Variants in SCMH1 observed in about 807,000 individuals in gnomAD.
SCMH1 encodes the protein Scm polycomb group protein homolog 1, also known as polycomb protein SCMH1.
Under a neutral mutation model 70.8 loss-of-function variants are expected in SCMH1, and 37 were observed. The ratio of observed to expected loss-of-function variants is 0.52; its 90% CI spans 0.40 to 0.69. SCMH1 has a LOEUF of 0.69. SCMH1 is among the 30% of genes least tolerant of loss of function. The pLI, the probability that SCMH1 is intolerant of heterozygous loss-of-function variation, is 0.00. For missense variants in SCMH1, 607 were observed against 827.3 expected, an observed-to-expected ratio of 0.73 and a Z score of 3.27; for synonymous variants, 292 against 307.4, an observed-to-expected ratio of 0.95 and a Z score of 0.52.
intron 8 of SCMH1, among the ~76,000 whole-genome samples, chr1:41,079,395 G>A (rs1659310133): frequency 1.3e-5 from 2 of 152,006 alleles, no homozygotes; most frequent in South Asian, 4.1e-4. Context: ...AGAGGGCCCT[G>A]AGATACAAAG....
intron 8 of SCMH1, among the ~76,000 whole-genome samples, chr1:41,091,962 G>T (rs527473698): frequency 4.6e-5 from 7 of 152,258 alleles, no homozygotes; most frequent in Non-Finnish European, 7.3e-5. Flanking sequence ...GTACTTTACA[G>T]ATTCAATGCC....
intron 6 of SCMH1, among the ~76,000 whole-genome samples, chr1:41,136,382 CTTTT>C (rs757034374): frequency 8.2e-6 from 1 of 122,012 alleles, no homozygotes; most frequent in Non-Finnish European, 1.9e-5. Flanking sequence ...TTCTTTCTTT[CTTTT>C]TTTTTTTTTT....
At chr1:41,141,559 G>A (rs778170187) in intron 6 of SCMH1, among the ~76,000 whole-genome samples, 2 of 152,166 alleles carry the variant, frequency 1.3e-5, no homozygotes, top group Non-Finnish European at 2.9e-5. Context: ...ACCAGAATCT[G>A]ATCAAGTCTC....
At chr1:41,201,655 C>T (rs1057394478) in intron 1 of SCMH1, among the ~76,000 whole-genome samples, 1 of 152,168 alleles carries the variant, frequency 6.6e-6, no homozygotes, top group Non-Finnish European at 1.5e-5. Flanking sequence ...CAAGGGGCTT[C>T]CAGTGAAATG....
At chr1:41,059,759 C>T (rs1007194861) in intron 10 of SCMH1, among the ~76,000 whole-genome samples, 4 of 152,114 alleles carry the variant, frequency 2.6e-5, no homozygotes, top group East Asian at 1.9e-4. Flanking sequence ...ACTGTGGGGC[C>T]GGTGCCCCAA....
chr1:41,045,011 A>AC (rs1646724049), intron 12 of SCMH1, among the ~76,000 whole-genome samples: 1 of 152,164 alleles, frequency 6.6e-6, no homozygotes, highest in Non-Finnish European at 1.5e-5. Flanking sequence ...GGATGTGCTA[A>AC]CCCCCATTCA....
intron 4 of SCMH1, among the ~76,000 whole-genome samples, chr1:41,158,540 A>C (rs1368676798): frequency 1.3e-5 from 2 of 152,256 alleles, no homozygotes; most frequent in African/African-American, 4.8e-5. Context: ...CAGACATGAG[A>C]AAAAGCAGTT....
At chr1:41,223,665 T>C (rs1162544330) in intron 1 of SCMH1, among the ~76,000 whole-genome samples, 6 of 152,180 alleles carry the variant, frequency 3.9e-5, no homozygotes, top group African/African-American at 9.6e-5. Flanking sequence ...GTACTGATTG[T>C]ATATGATGCA....
At chr1:41,146,745 GA>G (rs530050822) in intron 5 of SCMH1, among the ~76,000 whole-genome samples, 338 of 152,204 alleles carry the variant, frequency 2.2e-3, no homozygotes, top group Non-Finnish European at 3.9e-3. Flanking sequence ...ACACGACGAT[GA>G]AATTGCTTAA....
At chr1:41,127,071 G>A (rs1326404608) in intron 6 of SCMH1, among the ~76,000 whole-genome samples, 1 of 152,136 alleles carries the variant, frequency 6.6e-6, no homozygotes, top group Non-Finnish European at 1.5e-5. Flanking sequence ...TGGTAAGAAA[G>A]AATATCTTAC....
intron 12 of SCMH1, among the ~76,000 whole-genome samples, chr1:41,042,267 G>C (rs936663775): frequency 4.2e-5 from 6 of 144,572 alleles, no homozygotes; most frequent in African/African-American, 1.5e-4. Context: ...TTTTTTTTTT[G>C]AGATGGAGTT....
chr1:41,124,785 G>C (rs1319946388), intron 6 of SCMH1, among the ~76,000 whole-genome samples: 1 of 151,812 alleles, frequency 6.6e-6, no homozygotes, highest in Non-Finnish European at 1.5e-5. Context: ...TGTAGTGATG[G>C]GGGACTTGCT....
intron 2 of SCMH1, among the ~76,000 whole-genome samples, chr1:41,161,795 G>A (rs114043507): frequency 6.6e-6 from 1 of 152,290 alleles, no homozygotes; most frequent in African/African-American, 2.4e-5. Flanking sequence ...TTCATGGAAT[G>A]ATCACAATTA....
At chr1:41,142,493 A>C (rs1185304085) in intron 6 of SCMH1, among the ~76,000 whole-genome samples, 1 of 152,210 alleles carries the variant, frequency 6.6e-6, no homozygotes, top group African/African-American at 2.4e-5. Context: ...TCCTTATAAC[A>C]GCCATGCTTT....
chr1:41,157,087 G>A (rs1000262175), intron 4 of SCMH1, among the ~76,000 whole-genome samples: 1 of 151,534 alleles, frequency 6.6e-6, no homozygotes, highest in South Asian at 2.1e-4. Flanking sequence ...CAGAGTAGCC[G>A]GGACTACAGG....
chr1:41,151,985 G>C (rs1645113459), intron 4 of SCMH1, among the ~76,000 whole-genome samples: 1 of 152,164 alleles, frequency 6.6e-6, no homozygotes, highest in African/African-American at 2.4e-5. Flanking sequence ...GAAGTGACCA[G>C]GAAGCTAATG....
At chr1:41,199,348 C>A (rs941274423) in intron 1 of SCMH1, among the ~76,000 whole-genome samples, 1 of 152,114 alleles carries the variant, frequency 6.6e-6, no homozygotes, top group African/African-American at 2.4e-5. Context: ...CTTCTATCAC[C>A]GTAGGTTAGT....
chr1:41,197,918 T>C (rs1486966717), intron 1 of SCMH1, among the ~76,000 whole-genome samples: 2 of 152,150 alleles, frequency 1.3e-5, no homozygotes, highest in Non-Finnish European at 2.9e-5. Context: ...ATAAACATAT[T>C]CCTTTTCTGG....
chr1:41,135,569 A>G (rs112831107), intron 6 of SCMH1, among the ~76,000 whole-genome samples: 2 of 152,194 alleles, frequency 1.3e-5, no homozygotes, highest in Non-Finnish European at 2.9e-5. Context: ...CTCCCTAGCC[A>G]TGCTGAACTG....
Sources: allele counts gnomAD v4.1 joint callset (sites outside exome capture counted in the v4.1 genomes callset), GRCh38; gene constraint gnomAD v4.1.1; transcripts MANE v1.5; gene names NCBI Gene and HGNC (gene_info 2026-07-23, HGNC 2026-07-21).